Variants in ADCY2 observed in about 807,000 individuals in gnomAD.
ADCY2 encodes the protein adenylate cyclase 2.
ADCY2 carries 31 observed loss-of-function variants against 125.2 expected under a neutral mutation model. That is an observed-to-expected ratio of 0.25 (90% confidence interval 0.19 to 0.33). The LOEUF (loss-of-function observed/expected upper bound fraction) is 0.33, where lower values mean the gene tolerates loss of function less well. ADCY2 is among the 10% of genes least tolerant of loss of function. The pLI, the probability that ADCY2 is intolerant of heterozygous loss-of-function variation, is 1.00. For missense variants in ADCY2, 904 were observed against 1,418.2 expected (o/e 0.64, Z 5.82); for synonymous variants, 512 against 548.4 (o/e 0.93, Z 0.93).
At chr5:7,635,443 T>C (rs1042366644) in intron 4 of ADCY2, among the ~76,000 whole-genome samples, 1 of 152,158 alleles carries the variant, frequency 6.6e-6, no homozygotes, top group Non-Finnish European at 1.5e-5. Flanking sequence ...AATAAAATAA[T>C]GAAGAGAACT....
chr5:7,673,269 A>AAAAATATATATATATATATATATATAT (rs1554030659), intron 4 of ADCY2, among the ~76,000 whole-genome samples: 1 of 3,930 alleles, frequency 2.5e-4, no homozygotes, highest in African/African-American at 6.4e-4. Flanking sequence ...AAAAAAAAAA[A>AAAAATATATATATATATATATATATAT]ATATATATAT....
intron 2 of ADCY2, among the ~76,000 whole-genome samples, chr5:7,437,318 C>T (rs1431873490): frequency 6.6e-6 from 1 of 152,128 alleles, no homozygotes; most frequent in Non-Finnish European, 1.5e-5. Context: ...TTCCAGCCTC[C>T]CCTCCCGAGA....
chr5:7,791,846 C>T (rs889205474), intron 20 of ADCY2, among the ~76,000 whole-genome samples: 2 of 152,046 alleles, frequency 1.3e-5, no homozygotes, highest in Admixed American at 6.6e-5. Flanking sequence ...TCTCCAAGGA[C>T]ACTGGGATGT....
At chr5:7,591,097 C>T (rs1437662551) in intron 3 of ADCY2, among the ~76,000 whole-genome samples, 1 of 152,120 alleles carries the variant, frequency 6.6e-6, no homozygotes, top group Non-Finnish European at 1.5e-5. Flanking sequence ...TTACTGGTGA[C>T]GTTATTTAAT....
rs57224712 is a variant in ADCY2 at position 7,792,217 on chromosome 5, C to CAAA, written c.2628+2443_2628+2445dup. 7.1e-4 allele frequency among the ~76,000 whole-genome samples: 71 copies of CAAA among 99,438 alleles called. 1 individual carries two copies. Among genetic ancestry groups the CAAA allele is most frequent in the African/African-American group, 2.7e-3 (63 of 23,206 alleles). 65.2% of individuals were successfully genotyped at this position (99,438 alleles called of 152,430 possible). A position where few individuals can be genotyped will look rare whatever the true frequency, so the allele number is the denominator to read the frequency against. On this transcript the variant is annotated intron_variant, in intron 20 of 24. Transcript: ENST00000338316. ...AGAAACCCCGTCTCTACTAAAAATA[C>CAAA]AAAAAAAAAAAAAAAAAAAAAAAAA...
chr5:7,737,742 G>A (rs1409761564), intron 14 of ADCY2, among the ~76,000 whole-genome samples: 2 of 152,012 alleles, frequency 1.3e-5, no homozygotes, highest in African/African-American at 2.4e-5. Flanking sequence ...ACCACATGTG[G>A]CATATTATAG....
rs181947588 is a variant in ADCY2, at chr5:7,517,633, T to G, written c.409-3105T>G. Among the ~76,000 whole-genome samples, 9 of 152,312 alleles carry G rather than the reference T, an allele frequency of 5.9e-5. No individual in the cohort carries two copies. In the East Asian group the frequency reaches 1.7e-3, roughly 29 times the overall value. ...ACCTCTGATTTGATTTAATGCAATT[T>G]GCGCAATTGACCCTTGAAAATTAAT... On this transcript the variant is annotated intron_variant, in intron 2 of 24. Coordinates refer to ENST00000338316, the MANE Select transcript of ADCY2 (RefSeq NM_020546.3).
chr5:7,808,753 G>A (rs1189733081), intron 22 of ADCY2, among the ~76,000 whole-genome samples: 1 of 152,036 alleles, frequency 6.6e-6, no homozygotes, highest in Non-Finnish European at 1.5e-5. Flanking sequence ...CCCTACATTT[G>A]TATCTATCCT....
intron 3 of ADCY2, among the ~76,000 whole-genome samples, chr5:7,543,436 C>G (rs942204368): frequency 2.0e-5 from 3 of 151,758 alleles, no homozygotes; most frequent in Non-Finnish European, 4.4e-5. Context: ...TTGAGTTGAC[C>G]CTTTTAGATC....
intron 3 of ADCY2, among the ~76,000 whole-genome samples, chr5:7,524,424 T>C (rs1311988410): frequency 6.6e-6 from 1 of 152,150 alleles, no homozygotes; most frequent in Non-Finnish European, 1.5e-5. Flanking sequence ...TCCACATTGC[T>C]CTATGACTGC....
intron 5 of ADCY2, 151 bp from the exon 6 acceptor site, chr5:7,695,601 A>G: frequency 2.5e-6 from 1 of 404,598 alleles, no homozygotes. Flanking sequence ...AAAAATGTTT[A>G]TATATTCTTA....
chr5:7,737,378 G>A (rs1437005747), intron 14 of ADCY2, among the ~76,000 whole-genome samples: 3 of 152,152 alleles, frequency 2.0e-5, no homozygotes, highest in African/African-American at 7.2e-5. Flanking sequence ...ACCATGCAAA[G>A]CTAGAGCTAG....
intron 14 of ADCY2, among the ~76,000 whole-genome samples, chr5:7,737,083 CCTAA>C (rs1431604069): frequency 1.1e-4 from 17 of 152,126 alleles, no homozygotes; most frequent in East Asian, 7.7e-4. Flanking sequence ...TAGGTTTCTA[CCTAA>C]CTATTAATGA....
intron 3 of ADCY2, among the ~76,000 whole-genome samples, chr5:7,573,972 C>G (rs1185673714): frequency 8.8e-6 from 1 of 113,278 alleles, no homozygotes; most frequent in Non-Finnish European, 1.8e-5. Flanking sequence ...CATGTGATCT[C>G]ATTGTTCAAT....
At chr5:7,479,830 T>C (rs934412816) in intron 2 of ADCY2, among the ~76,000 whole-genome samples, 3 of 152,140 alleles carry the variant, frequency 2.0e-5, no homozygotes, top group African/African-American at 7.2e-5. Flanking sequence ...TTGCCACAAA[T>C]GGGTGAGAAT....
intron 4 of ADCY2, among the ~76,000 whole-genome samples, chr5:7,636,645 C>A (rs916602708): frequency 6.6e-6 from 1 of 151,984 alleles, no homozygotes; most frequent in African/African-American, 2.4e-5. Flanking sequence ...GCCAAAGCAA[C>A]AAAAAATTAT....
intron 4 of ADCY2, among the ~76,000 whole-genome samples, chr5:7,677,539 C>A (rs1046305071): frequency 3.9e-5 from 6 of 152,156 alleles, no homozygotes; most frequent in Non-Finnish European, 8.8e-5. Context: ...GGACTGCTGC[C>A]CTGAGAACAC....
At chr5:7,440,401 T>G (rs1740967683) in intron 2 of ADCY2, among the ~76,000 whole-genome samples, 1 of 152,242 alleles carries the variant, frequency 6.6e-6, no homozygotes, top group African/African-American at 2.4e-5. Flanking sequence ...CAGAAGCCTT[T>G]CAAGTATTTT....
At chr5:7,500,043 T>G (rs368456089) in intron 2 of ADCY2, among the ~76,000 whole-genome samples, 21 of 152,204 alleles carry the variant, frequency 1.4e-4, no homozygotes, top group African/African-American at 4.8e-4. Flanking sequence ...GTTTTGTTCC[T>G]TTCACATGCC....
Sources: gnomAD v4.1 joint callset for allele counts (sites outside exome capture counted in the v4.1 genomes callset) on GRCh38, gnomAD v4.1.1 for gene constraint, MANE v1.5 for transcripts, NCBI Gene and HGNC (gene_info 2026-07-23, HGNC 2026-07-21) for gene names.